Variants in TESC observed in about 807,000 individuals in gnomAD.
The protein encoded by TESC is tescalcin.
TESC carries 19 observed loss-of-function variants against 31.0 expected under a neutral mutation model. The observed-to-expected ratio is 0.61, with a 90% CI of 0.43 to 0.90. The LOEUF is 0.90. Among genes scored for constraint, TESC ranks in the 40% least tolerant of loss-of-function variants. TESC has a pLI of 0.00. For synonymous variants in TESC, 109 were observed against 114.8 expected (o/e 0.95, Z 0.32); for missense variants, 248 against 303.8 (o/e 0.82, Z 1.36).
chr12:117,056,922 T>A (rs375886837), intron 2 of TESC, 36 bp from the exon 3 acceptor site: 126 of 1,605,902 alleles, frequency 7.8e-5, no homozygotes, highest in Non-Finnish European at 9.3e-5. Flanking sequence ...GGGAAGAGAA[T>A]AAGGAAAGAT....
At chr12:117,076,118 A>C (rs888295616) in intron 1 of TESC, among the ~76,000 whole-genome samples, 3 of 150,704 alleles carry the variant, frequency 2.0e-5, no homozygotes, top group African/African-American at 7.3e-5. Context: ...CGCCCAGCCT[A>C]GAGAAAACTG....
chr12:117,088,680 C>A (rs868073713), intron 1 of TESC, among the ~76,000 whole-genome samples: 1,145 of 120,120 alleles, frequency 9.5e-3, no homozygotes, highest in Middle Eastern at 0.019. Context: ...GACTCTGTCT[C>A]AAAAAAAAAA....
chr12:117,093,922 A>G (rs1955353134), intron 1 of TESC, among the ~76,000 whole-genome samples: 1 of 151,378 alleles, frequency 6.6e-6, no homozygotes. Context: ...TTCCTTTCCA[A>G]CTCCAGGAGC....
chr12:117,074,995 C>T (rs1565970864), intron 2 of TESC, among the ~76,000 whole-genome samples: 1 of 151,970 alleles, frequency 6.6e-6, no homozygotes, highest in Non-Finnish European at 1.5e-5. Context: ...AAATACAAAA[C>T]ATTAGCCGAG....
intron 1 of TESC, among the ~76,000 whole-genome samples, chr12:117,075,847 G>GTATA (rs57455838): frequency 1.5e-5 from 1 of 67,208 alleles, no homozygotes; most frequent in East Asian, 3.6e-4. Flanking sequence ...GTGTGTGTGT[G>GTATA]TATATATATA....
intron 1 of TESC, among the ~76,000 whole-genome samples, chr12:117,088,484 C>A (rs1410091283): frequency 6.6e-6 from 1 of 152,084 alleles, no homozygotes; most frequent in Non-Finnish European, 1.5e-5. Flanking sequence ...AGTTTGAGAC[C>A]AGCCTGGCCA....
At chr12:117,057,934 G>T (rs757869159) in intron 2 of TESC, among the ~76,000 whole-genome samples, 10 of 152,076 alleles carry the variant, frequency 6.6e-5, no homozygotes, top group Non-Finnish European at 1.5e-4. Flanking sequence ...ATGATGCTAA[G>T]TGAGCCCGGG....
chr12:117,048,086 G>A (rs903761443), intron 4 of TESC, among the ~76,000 whole-genome samples: 13 of 152,154 alleles, frequency 8.5e-5, no homozygotes, highest in African/African-American at 2.7e-4. Flanking sequence ...TGTGCAAAGC[G>A]CTTCACAAAC....
chr12:117,072,768 G>A (rs539593506), intron 2 of TESC, among the ~76,000 whole-genome samples: 14 of 152,242 alleles, frequency 9.2e-5, no homozygotes, highest in East Asian at 3.9e-4. Context: ...AGCACCTGGC[G>A]CAGAGCAGAT....
intron 6 of TESC, among the ~76,000 whole-genome samples, chr12:117,046,285 G>A (rs987547872): frequency 2.0e-5 from 3 of 152,202 alleles, no homozygotes; most frequent in African/African-American, 7.2e-5. Context: ...TGAGGCCGGG[G>A]TGGGGGATCA....
At chr12:117,059,747 C>T (rs1954775680) in intron 2 of TESC, among the ~76,000 whole-genome samples, 2 of 152,054 alleles carry the variant, frequency 1.3e-5, no homozygotes, top group Non-Finnish European at 2.9e-5. Context: ...CATGTGCTAC[C>T]ACGCCCAGCT....
intron 1 of TESC, among the ~76,000 whole-genome samples, chr12:117,076,701 C>A (rs1188616120): frequency 6.6e-6 from 1 of 152,188 alleles, no homozygotes; most frequent in Non-Finnish European, 1.5e-5. Context: ...ACCGCAGCCT[C>A]CCAAAGTGCT....
chr12:117,091,538 T>A (rs1565977238), intron 1 of TESC, among the ~76,000 whole-genome samples: 1 of 152,348 alleles, frequency 6.6e-6, no homozygotes, highest in East Asian at 1.9e-4. Context: ...GGGATCTAAT[T>A]ACCACCAATC....
At chr12:117,089,810 G>C (rs1273927093) in intron 1 of TESC, among the ~76,000 whole-genome samples, 1 of 152,074 alleles carries the variant, frequency 6.6e-6, no homozygotes, top group Non-Finnish European at 1.5e-5. Flanking sequence ...AGAAGATAAA[G>C]AGAAAGGGGA....
chr12:117,049,389 G>A (rs1350290159), intron 3 of TESC, among the ~76,000 whole-genome samples: 2 of 152,234 alleles, frequency 1.3e-5, no homozygotes, highest in African/African-American at 4.8e-5. Context: ...CAGGGAGGTG[G>A]AAGAGAGAGA....
chr12:117,095,274 T>C (rs1028638330), intron 1 of TESC, among the ~76,000 whole-genome samples: 10 of 151,980 alleles, frequency 6.6e-5, no homozygotes, highest in Admixed American at 4.6e-4. Context: ...AGGGTTTCAC[T>C]ATCTTGGCCA....
chr12:117,044,896 C>CG lies in TESC; in HGVS notation c.519+1662dup, dbSNP rs567121269. On this transcript the variant is annotated intron_variant, in intron 6 of 7. Transcript: ENST00000335209. ...TGGGCGGCAGAGTAAGACTTGGTCT[C>CG]GGGAAAAAAAGAAAAAAAAGAGAGA... Among the ~76,000 whole-genome samples, 19 of 141,518 alleles carry CG rather than the reference C, an allele frequency of 1.3e-4. 1 individual carries two copies. In the South Asian group the frequency reaches 4.5e-3, roughly 33 times the overall value. The allele number at this position is 141,518 out of a possible 152,430, so 92.8% of individuals were successfully genotyped here.
rs201923877 is a variant in TESC at position 117,075,985 on chromosome 12, AT to A, written c.59-646del. ...TATATATGTATGTATATATATATATATTTTTTTTTTTTAGAAATACAGGGTT... is the reference window on the plus strand; with the variant it reads ...TATATATGTATGTATATATATATATATTTTTTTTTTTAGAAATACAGGGTT... On this transcript the variant is annotated intron_variant, in intron 1 of 7. Transcript: ENST00000335209. Among the ~76,000 whole-genome samples the A allele has an allele frequency of 2.6e-4, 26 of 100,634 alleles. 1 individual carries two copies. Among genetic ancestry groups the A allele is most frequent in the Middle Eastern group, 4.7e-3 (1 of 212 alleles). 66.0% of individuals were successfully genotyped at this position (100,634 alleles called of 152,430 possible).
At chr12:117,040,375 A>AAT in intron 7 of TESC, among the ~76,000 whole-genome samples, 1 of 152,160 alleles carries the variant, frequency 6.6e-6, no homozygotes, top group Admixed American at 6.5e-5. Context: ...GGGAATGGGA[A>AAT]GGGCCAGCTG....
Sources: allele counts gnomAD v4.1 joint callset (sites outside exome capture counted in the v4.1 genomes callset), GRCh38; gene constraint gnomAD v4.1.1; transcripts MANE v1.5; gene names NCBI Gene and HGNC (gene_info 2026-07-23, HGNC 2026-07-21).